Variants in NKAIN2 observed in about 807,000 individuals in gnomAD.
The protein encoded by NKAIN2 is sodium/potassium-transporting ATPase subunit beta-1-interacting protein 2.
In NKAIN2, 14 loss-of-function variants were observed where a neutral mutation model predicts 32.6. That is an observed-to-expected ratio of 0.43 (90% confidence interval 0.28 to 0.67). The LOEUF is 0.67. Ranked by LOEUF, NKAIN2 falls within the 30% of genes least tolerant of loss-of-function variation. NKAIN2 has a pLI of 0.17. For synonymous variants in NKAIN2, 80 were observed against 87.2 expected (o/e 0.92, Z 0.46); for missense variants, 198 against 258.3 (o/e 0.77, Z 1.60).
chr6:123,843,930 A>G (rs1774987184), intron 1 of NKAIN2, among the ~76,000 whole-genome samples: 1 of 152,176 alleles, frequency 6.6e-6, no homozygotes, highest in Non-Finnish European at 1.5e-5. Context: ...TTTGACCTCG[A>G]TCTCTGCTCC....
intron 1 of NKAIN2, among the ~76,000 whole-genome samples, chr6:124,193,884 T>A (rs1244459653): frequency 6.6e-6 from 1 of 152,002 alleles, no homozygotes; most frequent in Non-Finnish European, 1.5e-5. Flanking sequence ...AATCATTCCA[T>A]TGAGTGTTCA....
chr6:124,369,880 A>ATTTTTTTTT (rs61588781), intron 3 of NKAIN2, among the ~76,000 whole-genome samples: 832 of 82,340 alleles, frequency 0.01, 80 homozygotes, highest in African/African-American at 0.039. Context: ...CAGAATGTCA[A>ATTTTTTTTT]TTTTTTTTTT....
At chr6:124,660,044 C>A (rs1189295858) in intron 4 of NKAIN2, among the ~76,000 whole-genome samples, 5 of 151,986 alleles carry the variant, frequency 3.3e-5, no homozygotes, top group African/African-American at 1.2e-4. Context: ...ATGGAAGTAG[C>A]CATTTCATTC....
At chr6:124,156,604 G>C (rs552759864) in intron 1 of NKAIN2, among the ~76,000 whole-genome samples, 5 of 152,294 alleles carry the variant, frequency 3.3e-5, no homozygotes, top group African/African-American at 9.6e-5. Context: ...AGTTTGCAGA[G>C]CTGAGCAAGG....
At chr6:124,225,265 A>G (rs1440431898) in intron 1 of NKAIN2, among the ~76,000 whole-genome samples, 2 of 152,118 alleles carry the variant, frequency 1.3e-5, no homozygotes, top group African/African-American at 4.8e-5. Flanking sequence ...AGGATAGTAT[A>G]AAATTGTAGC....
intron 4 of NKAIN2, among the ~76,000 whole-genome samples, chr6:124,735,502 AAC>A (rs1376472802): frequency 1.1e-4 from 17 of 152,044 alleles, no homozygotes; most frequent in African/African-American, 4.1e-4. Context: ...GATTGGGAGA[AAC>A]AAATATAGAC....
intron 3 of NKAIN2, among the ~76,000 whole-genome samples, chr6:124,626,039 C>T (rs1783320491): frequency 6.6e-6 from 1 of 150,518 alleles, no homozygotes; most frequent in Non-Finnish European, 1.5e-5. Flanking sequence ...GTGTGCTGCA[C>T]CCATTAACTC....
At chr6:123,993,918 AT>A (rs1467590269) in intron 1 of NKAIN2, among the ~76,000 whole-genome samples, 7 of 152,184 alleles carry the variant, frequency 4.6e-5, no homozygotes, top group Admixed American at 1.3e-4. Context: ...CTGTAAGCTA[AT>A]TGTAATAAAA....
At chr6:124,326,138 C>G (rs1370891205) in intron 2 of NKAIN2, among the ~76,000 whole-genome samples, 2 of 146,058 alleles carry the variant, frequency 1.4e-5, no homozygotes, top group South Asian at 4.4e-4. Flanking sequence ...ATTTTAATTC[C>G]TTCTGAAGGA....
chr6:124,520,582 T>C (rs1779083823), intron 3 of NKAIN2, among the ~76,000 whole-genome samples: 1 of 152,196 alleles, frequency 6.6e-6, no homozygotes, highest in South Asian at 2.1e-4. Flanking sequence ...AAAATGTATT[T>C]GCCAGCTTTA....
chr6:124,037,982 A>G (rs545501644), intron 1 of NKAIN2, among the ~76,000 whole-genome samples: 5 of 152,282 alleles, frequency 3.3e-5, no homozygotes, highest in Admixed American at 2.6e-4. Context: ...TTGAATGGAT[A>G]AACATTAAAG....
At chr6:124,724,842 C>A (rs1019079950) in intron 4 of NKAIN2, among the ~76,000 whole-genome samples, 1 of 152,196 alleles carries the variant, frequency 6.6e-6, no homozygotes, top group South Asian at 2.1e-4. Context: ...TTCCCTTTGG[C>A]CCATAAATAT....
At chr6:124,219,773 GAAC>G (rs1457297060) in intron 1 of NKAIN2, among the ~76,000 whole-genome samples, 1 of 152,010 alleles carries the variant, frequency 6.6e-6, no homozygotes, top group Non-Finnish European at 1.5e-5. Flanking sequence ...TGATATTTTA[GAAC>G]AACATCAGTG....
chr6:124,627,617 T>C (rs544110246), intron 3 of NKAIN2, among the ~76,000 whole-genome samples: 7 of 152,276 alleles, frequency 4.6e-5, no homozygotes, highest in Admixed American at 4.6e-4. Context: ...CCTTCATTTT[T>C]CTTTGTGCAA....
chr6:123,898,309 T>G (rs1261822487), intron 1 of NKAIN2, among the ~76,000 whole-genome samples: 1 of 152,208 alleles, frequency 6.6e-6, no homozygotes, highest in East Asian at 1.9e-4. Flanking sequence ...AAAAATAAAT[T>G]TGTACTTCTG....
chr6:124,796,997 T>C (rs182331212), intron 5 of NKAIN2, among the ~76,000 whole-genome samples: 28 of 152,184 alleles, frequency 1.8e-4, no homozygotes, highest in Middle Eastern at 6.8e-3. Flanking sequence ...TGCCTTTTAT[T>C]ATAAATGTGG....
intron 1 of NKAIN2, among the ~76,000 whole-genome samples, chr6:123,983,607 C>T (rs1426498685): frequency 6.6e-6 from 1 of 152,108 alleles, no homozygotes; most frequent in Non-Finnish European, 1.5e-5. Context: ...GGGTGGACTA[C>T]TAAGGATTGT....
intron 2 of NKAIN2, among the ~76,000 whole-genome samples, chr6:124,329,224 C>A (rs149827479): frequency 6.1e-4 from 93 of 152,292 alleles, no homozygotes; most frequent in Admixed American, 1.7e-3. Flanking sequence ...CAAGTTGTGG[C>A]AACTGCTCTG....
At chr6:124,345,196 G>T (rs1055665104) in intron 2 of NKAIN2, among the ~76,000 whole-genome samples, 1 of 152,098 alleles carries the variant, frequency 6.6e-6, no homozygotes, top group Non-Finnish European at 1.5e-5. Flanking sequence ...CTTGATCTTG[G>T]TGGACAAGCT....
Sources: allele counts gnomAD v4.1 joint callset (sites outside exome capture counted in the v4.1 genomes callset), GRCh38; gene constraint gnomAD v4.1.1; transcripts MANE v1.5; gene names NCBI Gene and HGNC (gene_info 2026-07-23, HGNC 2026-07-21).